Variants in USP9X observed in about 807,000 individuals in gnomAD.
The protein encoded by USP9X is ubiquitin specific peptidase 9 X-linked, also known as ubiquitin carboxyl-terminal hydrolase 9X.
A neutral mutation model predicts 190.3 loss-of-function variants in USP9X; 7 were observed. The ratio of observed to expected loss-of-function variants is 0.04; its 90% CI spans 0.02 to 0.07. USP9X has a LOEUF of 0.07. Among genes scored for constraint, USP9X ranks in the 10% least tolerant of loss-of-function variants. The pLI is 1.00. For missense variants in USP9X, 1,010 were observed against 1,916.9 expected (o/e 0.53, Z 8.83); for synonymous variants, 645 against 659.5 (o/e 0.98, Z 0.34).
intron 29 of USP9X, 127 bp downstream of exon 29, chrX:41,197,637 C>A: frequency 1.6e-6 from 1 of 619,830 alleles, no homozygotes; most frequent in Non-Finnish European, 2.3e-6. Context: ...TTTTAAGAAT[C>A]TTTATCAAAT....
At chrX:41,211,971 C>G (rs2063166258) in intron 33 of USP9X, among the ~76,000 whole-genome samples, 1 of 113,934 alleles carries the variant, frequency 8.8e-6, no homozygotes, top group South Asian at 3.5e-4. Flanking sequence ...TACTCAACAG[C>G]TCATTGAGAA....
intron 1 of USP9X, among the ~76,000 whole-genome samples, chrX:41,122,855 C>T (rs912050499): frequency 5.4e-5 from 6 of 110,824 alleles, no homozygotes; most frequent in African/African-American, 1.6e-4. Context: ...TCCTGGAGTT[C>T]GGCTATCTCA....
At chrX:41,195,046 C>CTTTTTTTTTTTTTTTTTTTTTTTTTT (rs931341447) in intron 26 of USP9X, among the ~76,000 whole-genome samples, 7 of 104,682 alleles carry the variant, frequency 6.7e-5, no homozygotes, top group African/African-American at 2.1e-4. Flanking sequence ...TTTTTTCTTT[C>CTTTTTTTTTTTTTTTTTTTTTTTTTT]TTTTTTTTGG....
chrX:41,210,481 T>G (rs2063148492), intron 32 of USP9X, 28 bp from the exon 33 acceptor site: 4 of 1,197,209 alleles, frequency 3.3e-6, no homozygotes, highest in South Asian at 3.7e-5. Flanking sequence ...TGTTACATGT[T>G]ACATGTTTTA....
intron 33 of USP9X, among the ~76,000 whole-genome samples, chrX:41,212,460 A>AG (rs1491321973): frequency 1.1e-4 from 1 of 8,727 alleles, no homozygotes; most frequent in Non-Finnish European, 2.4e-4. Flanking sequence ...ATGATCAATT[A>AG]AAAAAAAAAA....
intron 1 of USP9X, 84 bp from the exon 2 acceptor site, chrX:41,123,387 A>T: frequency 2.9e-6 from 1 of 348,474 alleles, no homozygotes; most frequent in Non-Finnish European, 5.0e-6. Context: ...GATTAGATTC[A>T]CTGGTGATAC....
In USP9X at chrX:41,167,715, A is replaced by G. The variant is rs906476826; in HGVS notation, c.2424+138A>G. ...GAAGTGATTGGGTTATTTTTAATAT[A>G]ACTATTTATTAGATGTTGAAATGGC... is the stretch of plus-strand genomic sequence containing the variant. On this transcript the variant is annotated intron_variant, in intron 17 of 44. Coordinates refer to ENST00000378308, the MANE Select transcript of USP9X (RefSeq NM_001039591.3). 156 of 459,579 alleles carry G rather than the reference A, an allele frequency of 3.4e-4. No homozygotes were observed. In the East Asian group the frequency reaches 5.8e-3, roughly 17 times the overall value. The allele number at this position is 459,579 out of a possible 1,213,427, so 37.9% of individuals were successfully genotyped here.
rs889888595 is a variant in USP9X, at chrX:41,186,502, G to T, written c.3559-15G>T. ...CAAATTATTTACTCCAAATAAAATG[G>T]TTAACTTTTTTCAGATCAACCAAGT... On this transcript the variant is annotated splice_polypyrimidine_tract_variant and intron_variant, in intron 23 of 44. Coordinates refer to ENST00000378308, the MANE Select transcript of USP9X (RefSeq NM_001039591.3). The T allele has an allele frequency of 1.7e-6, 2 of 1,210,193 alleles. No homozygotes were observed.
intron 1 of USP9X, among the ~76,000 whole-genome samples, chrX:41,094,994 C>T (rs1017546076): frequency 9.2e-6 from 1 of 108,219 alleles, no homozygotes; most frequent in Non-Finnish European, 1.9e-5. Flanking sequence ...GAGCCCAGAT[C>T]GCGGTACTGC....
chrX:41,148,398 A>G lies in USP9X; in HGVS notation c.1449A>G (p.Gln483=), dbSNP rs1272537553. ...KASWTNASKK[Q]REKLLELIRR... is the part of the protein sequence containing the mutation. Reference sequence around the variant, plus strand: ...GTTGGACAAATGCGAGTAAAAAGCAACGTGAAAAGCTACTTGAGCTGATAC... The same window carrying G: ...GTTGGACAAATGCGAGTAAAAAGCAGCGTGAAAAGCTACTTGAGCTGATAC... The change falls in exon 12 of 45, where the codon CAA becomes CAG. Residue 483 remains glutamine (Q), a synonymous_variant. Coordinates refer to ENST00000378308, the MANE Select transcript of USP9X (RefSeq NM_001039591.3). The G allele has an allele frequency of 2.5e-6, 3 of 1,211,928 alleles. No individual in the cohort carries two copies. The highest frequency in any genetic ancestry group is 4.3e-5 in the Admixed American group (2 of 46,040).
At chrX:41,179,854 T>A (rs1290320169) in intron 21 of USP9X, among the ~76,000 whole-genome samples, 2 of 111,707 alleles carry the variant, frequency 1.8e-5, no homozygotes, top group Non-Finnish European at 3.8e-5. Context: ...CTCCTTGCCT[T>A]CACAACAACT....
chrX:41,227,429 A>T (rs2063323407), intron 41 of USP9X, among the ~76,000 whole-genome samples: 1 of 112,308 alleles, frequency 8.9e-6, no homozygotes. Context: ...GATTTGTCTG[A>T]AATGATTAAG....
intron 1 of USP9X, among the ~76,000 whole-genome samples, chrX:41,122,121 G>C (rs1037985212): frequency 3.6e-5 from 4 of 110,140 alleles, no homozygotes; most frequent in East Asian, 5.7e-4. Context: ...TTGTTTGTAG[G>C]GGGTGGAGAG....
chrX:41,152,912 T>C (rs2062542252), intron 13 of USP9X, 36 bp from the exon 14 acceptor site: 1 of 1,181,560 alleles, frequency 8.5e-7, no homozygotes, highest in Non-Finnish European at 1.1e-6. Context: ...CAGAGTTTAA[T>C]TGCCTAATTA....
intron 31 of USP9X, among the ~76,000 whole-genome samples, chrX:41,201,697 A>G (rs1569191750): frequency 8.9e-6 from 1 of 112,940 alleles, no homozygotes; most frequent in African/African-American, 3.2e-5. Flanking sequence ...TTGGCTGGGC[A>G]TGGTAGCTCA....
intron 1 of USP9X, among the ~76,000 whole-genome samples, chrX:41,089,315 T>C (rs1488025402): frequency 8.9e-6 from 1 of 112,304 alleles, no homozygotes; most frequent in East Asian, 2.8e-4. Flanking sequence ...GCTATGTTAG[T>C]GAAATGACAC....
At chrX:41,132,832 A>G (rs1458711170) in intron 4 of USP9X, among the ~76,000 whole-genome samples, 1 of 110,429 alleles carries the variant, frequency 9.1e-6, no homozygotes, top group African/African-American at 3.3e-5. Context: ...TTTTTGTTTA[A>G]CCAGCAAAAG....
intron 38 of USP9X, among the ~76,000 whole-genome samples, chrX:41,222,674 G>T (rs2063274724): frequency 9.0e-6 from 1 of 111,055 alleles, no homozygotes; most frequent in Admixed American, 9.7e-5. Flanking sequence ...TCCCAGCACT[G>T]TGGAAGGCCA....
intron 21 of USP9X, among the ~76,000 whole-genome samples, chrX:41,174,537 GGTT>G (rs1289945251): frequency 8.9e-6 from 1 of 111,868 alleles, no homozygotes; most frequent in East Asian, 2.8e-4. Context: ...ATTGTATTCA[GGTT>G]ATGCGTCTTT....
Sources: allele counts gnomAD v4.1 joint callset (sites outside exome capture counted in the v4.1 genomes callset), GRCh38; gene constraint gnomAD v4.1.1; transcripts MANE v1.5; gene names NCBI Gene and HGNC (gene_info 2026-07-23, HGNC 2026-07-21).